Variants in PCDHA10 observed in about 807,000 individuals in gnomAD.
PCDHA10 encodes protocadherin alpha 10.
PCDHA10 carries 45 observed loss-of-function variants against 61.2 expected under a neutral mutation model. The ratio of observed to expected loss-of-function variants is 0.74; its 90% CI spans 0.58 to 0.94. The LOEUF (loss-of-function observed/expected upper bound fraction) is 0.94. Among genes scored for constraint, PCDHA10 ranks in the 40% least tolerant of loss-of-function variants. The pLI is 0.00. For synonymous variants in PCDHA10, 602 were observed against 548.8 expected, an observed-to-expected ratio of 1.10 and a Z score of -1.35; for missense variants, 1,278 against 1,236.2, an observed-to-expected ratio of 1.03 and a Z score of -0.51.
intron 3 of PCDHA10, among the ~76,000 whole-genome samples, chr5:140,997,957 C>T (rs1051643572): frequency 6.6e-5 from 10 of 152,156 alleles, no homozygotes; most frequent in East Asian, 1.9e-4. Context: ...TTGGCATTCA[C>T]GTACCTGTGG....
chr5:140,884,582 T>G, intron 1 of PCDHA10: 1 of 1,614,172 alleles, frequency 6.2e-7, no homozygotes, highest in South Asian at 1.1e-5. Flanking sequence ...CCTCATGGCC[T>G]TCAGTCCCAG....
intron 3 of PCDHA10, among the ~76,000 whole-genome samples, chr5:140,999,218 C>T (rs1410560466): frequency 6.6e-6 from 1 of 152,180 alleles, no homozygotes; most frequent in Non-Finnish European, 1.5e-5. Context: ...GGAAGTACTA[C>T]ATTTGAGAAT....
chr5:140,867,634 A>G (rs2050082134), intron 1 of PCDHA10: 1 of 152,166 alleles, frequency 6.6e-6, no homozygotes, highest in Admixed American at 6.5e-5. Flanking sequence ...TATTTAAGCT[A>G]GAGTGATATT....
chr5:140,928,262 A>T lies in PCDHA10; in HGVS notation c.2389-50687A>T, dbSNP rs199571652. ...CAGCAGGAACTTTTCGTTGCTGAAA[A>T]CAATGGCCCTGGGGCCTCTCTAGGC... is the stretch of plus-strand genomic sequence containing the variant. On this transcript the variant is annotated intron_variant, in intron 1 of 3. Coordinates refer to ENST00000307360, the MANE Select transcript of PCDHA10 (RefSeq NM_018901.4). 20 of 1,614,214 alleles carry T rather than the reference A, an allele frequency of 1.2e-5. No homozygotes were observed. In the Admixed American group the frequency reaches 2.2e-4, roughly 17 times the overall value.
chr5:140,918,632 C>A (rs1182828125), intron 1 of PCDHA10, among the ~76,000 whole-genome samples: 1 of 152,164 alleles, frequency 6.6e-6, no homozygotes, highest in Non-Finnish European at 1.5e-5. Flanking sequence ...TCCCCAAATT[C>A]ATAAATTGAA....
intron 1 of PCDHA10, chr5:140,863,718 G>A (rs2048134284): frequency 3.6e-6 from 1 of 274,680 alleles, no homozygotes; most frequent in South Asian, 3.9e-5. Flanking sequence ...ACTGGGGCCG[G>A]GTGCGGTAGC....
At chr5:140,870,219 CG>C in intron 1 of PCDHA10, 1 of 1,614,152 alleles carries the variant, frequency 6.2e-7, no homozygotes. Flanking sequence ...CCCTGATCAG[CG>C]TGTCTGACCG....
In PCDHA10 at chr5:141,011,633, G is replaced by A. The variant is rs988824031; in HGVS notation, c.*1696G>A. ...TTATGGTCCAGCCAAGAGCCATCTC[G>A]TGCCAAGACTTCTGCTGGCAAGGGA... is the stretch of plus-strand genomic sequence containing the variant. On this transcript the variant is annotated 3_prime_UTR_variant, in exon 4 of 4. Transcript: ENST00000307360. The A allele has an allele frequency of 6.5e-6, 1 of 153,624 alleles. No homozygotes were observed. Among genetic ancestry groups the A allele is most frequent in the Non-Finnish European group, 1.5e-5 (1 of 68,022 alleles). The allele number at this position is 153,624 out of a possible 1,614,324, so 9.5% of individuals were successfully genotyped here. A position where few individuals can be genotyped will look rare whatever the true frequency, so the allele number is the denominator to read the frequency against.
chr5:140,993,462 T>TCACACACACACA (rs3836747), intron 3 of PCDHA10, among the ~76,000 whole-genome samples: 55 of 141,044 alleles, frequency 3.9e-4, no homozygotes, highest in Non-Finnish European at 5.3e-4. Context: ...TCTTTCTTTC[T>TCACACACACACA]CACACACACA....
At chr5:140,901,407 G>T (rs2068648687) in intron 1 of PCDHA10, among the ~76,000 whole-genome samples, 2 of 152,130 alleles carry the variant, frequency 1.3e-5, no homozygotes, top group Non-Finnish European at 2.9e-5. Context: ...AGAGATAGGG[G>T]TCTAGTTTCA....
Position 140,924,253 on chromosome 5 carries a change from A to T in PCDHA10, c.2389-54696A>T, listed in dbSNP as rs550218351. ...ATGGGCTGTTTTGCATCCTGGTGAGATCTAATGAGGTCTGTACTTGTGACT... is the reference window on the plus strand; with the variant it reads ...ATGGGCTGTTTTGCATCCTGGTGAGTTCTAATGAGGTCTGTACTTGTGACT... On this transcript the variant is annotated intron_variant, in intron 1 of 3. Coordinates refer to ENST00000307360, the MANE Select transcript of PCDHA10 (RefSeq NM_018901.4). Among the ~76,000 whole-genome samples, 68 of 152,330 alleles carry T rather than the reference A, an allele frequency of 4.5e-4. No homozygotes were observed. In the South Asian group the frequency reaches 0.013, roughly 29 times the overall value.
intron 3 of PCDHA10, among the ~76,000 whole-genome samples, chr5:140,986,867 C>A (rs1238623584): frequency 6.6e-6 from 1 of 152,140 alleles, no homozygotes; most frequent in Non-Finnish European, 1.5e-5. Flanking sequence ...TACCCGGAAA[C>A]TTGTTAGAAA....
Position 140,863,430 on chromosome 5 carries a change from A to G in PCDHA10, c.2388+4994A>G, listed in dbSNP as rs782084592. ...CGCTGGTGTACCGCAGCGTAGTGGG[A>G]TCTGGTCTTACTCGCAGCAAAGGAG... On this transcript the variant is annotated intron_variant, in intron 1 of 3. Coordinates refer to ENST00000307360, the MANE Select transcript of PCDHA10 (RefSeq NM_018901.4). The G allele has an allele frequency of 4.5e-5, 29 of 647,180 alleles. 1 individual carries two copies. In the Admixed American group the frequency reaches 5.6e-4, roughly 13 times the overall value. The allele number at this position is 647,180 out of a possible 1,614,324, so 40.1% of individuals were successfully genotyped here. A position where few individuals can be genotyped will look rare whatever the true frequency, so the allele number is the denominator to read the frequency against.
At chr5:140,958,593 A>G (rs1412529643) in intron 1 of PCDHA10, among the ~76,000 whole-genome samples, 2 of 152,214 alleles carry the variant, frequency 1.3e-5, no homozygotes, top group African/African-American at 4.8e-5. Context: ...GCTTATGATA[A>G]TTGGATCAAA....
intron 1 of PCDHA10, among the ~76,000 whole-genome samples, chr5:140,894,199 GC>G (rs2064359112): frequency 6.6e-6 from 1 of 151,732 alleles, no homozygotes; most frequent in Admixed American, 6.6e-5. Context: ...TTTTTTCTAT[GC>G]TATTATATTC....
At chr5:140,934,533 C>T (rs1418320473) in intron 1 of PCDHA10, among the ~76,000 whole-genome samples, 5 of 152,086 alleles carry the variant, frequency 3.3e-5, no homozygotes, top group African/African-American at 4.8e-5. Flanking sequence ...CGAGAGCTAC[C>T]GTTCTAATTC....
At chr5:140,943,070 A>G (rs2093413648) in intron 1 of PCDHA10, among the ~76,000 whole-genome samples, 2 of 152,004 alleles carry the variant, frequency 1.3e-5, no homozygotes, top group Non-Finnish European at 2.9e-5. Context: ...CAGCCTGACC[A>G]ACATGGTGAA....
chr5:140,928,940 AT>A (rs573936635), intron 1 of PCDHA10: 94 of 1,614,062 alleles, frequency 5.8e-5, no homozygotes, highest in Non-Finnish European at 7.9e-5. Flanking sequence ...CAGAACTTGT[AT>A]TTAGTAATTG....
At chr5:140,931,962 A>G (rs1439185046) in intron 1 of PCDHA10, among the ~76,000 whole-genome samples, 1 of 151,924 alleles carries the variant, frequency 6.6e-6, no homozygotes, top group Non-Finnish European at 1.5e-5. Context: ...AATCATGTTG[A>G]TGCATATGTG....
Sources: gnomAD v4.1 joint callset for allele counts (sites outside exome capture counted in the v4.1 genomes callset) on GRCh38, gnomAD v4.1.1 for gene constraint, MANE v1.5 for transcripts, NCBI Gene and HGNC (gene_info 2026-07-23, HGNC 2026-07-21) for gene names.